The following CNTN5 variants were observed in gnomAD, a reference collection of about 807,000 sequenced individuals.
CNTN5 encodes the protein contactin-5.
Under a neutral mutation model 129.1 loss-of-function variants are expected in CNTN5, and 77 were observed. That is an observed-to-expected ratio of 0.60 (90% CI 0.50 to 0.72). CNTN5 has a LOEUF of 0.72. CNTN5 is among the 30% of genes least tolerant of loss of function. The probability of loss-of-function intolerance (pLI) is 0.00; values close to 1 mark genes in which losing one functional copy is unlikely to be tolerated. For synonymous variants in CNTN5, 509 were observed against 465.6 expected (o/e 1.09, Z -1.20); for missense variants, 1,478 against 1,328.8 (o/e 1.11, Z -1.75).
chr11:99,247,796 A>C (rs1179404474), intron 1 of CNTN5, among the ~76,000 whole-genome samples: 1 of 151,976 alleles, frequency 6.6e-6, no homozygotes, highest in Non-Finnish European at 1.5e-5. Context: ...TGAACTCATC[A>C]TTTTTTATGG....
chr11:99,592,690 G>T (rs1325652395), intron 3 of CNTN5, among the ~76,000 whole-genome samples: 2 of 152,090 alleles, frequency 1.3e-5, no homozygotes, highest in African/African-American at 2.4e-5. Context: ...AGTAACTAAG[G>T]GGAATGTAAA....
At chr11:99,793,545 A>G (rs1945829633) in intron 3 of CNTN5, among the ~76,000 whole-genome samples, 1 of 152,094 alleles carries the variant, frequency 6.6e-6, no homozygotes, top group Non-Finnish European at 1.5e-5. Context: ...TAAATTTTTC[A>G]GGGATGTGTT....
chr11:100,042,072 C>T (rs756969942), intron 9 of CNTN5, among the ~76,000 whole-genome samples: 21 of 152,106 alleles, frequency 1.4e-4, no homozygotes, highest in Non-Finnish European at 2.1e-4. Flanking sequence ...GGGAGAGATT[C>T]ATATACTCTC....
intron 7 of CNTN5, among the ~76,000 whole-genome samples, chr11:99,926,339 T>C (rs1383519782): frequency 6.6e-6 from 1 of 152,198 alleles, no homozygotes; most frequent in East Asian, 1.9e-4. Flanking sequence ...AAAGGAAAAA[T>C]GAATCCTGAC....
At chr11:99,374,461 A>T (rs111343479) in intron 2 of CNTN5, among the ~76,000 whole-genome samples, 4,791 of 152,200 alleles carry the variant, frequency 0.031, 252 homozygotes, top group African/African-American at 0.11. Context: ...AGGCCGGCGG[A>T]TCACGAGGTC....
intron 10 of CNTN5, among the ~76,000 whole-genome samples, chr11:100,066,769 G>A (rs1286732114): frequency 2.7e-5 from 4 of 148,648 alleles, no homozygotes; most frequent in Non-Finnish European, 5.9e-5. Context: ...CTTGGCATCT[G>A]CTCACCCCAT....
intron 8 of CNTN5, among the ~76,000 whole-genome samples, chr11:99,976,738 C>A (rs958663770): frequency 6.6e-6 from 1 of 152,244 alleles, no homozygotes; most frequent in Non-Finnish European, 1.5e-5. Context: ...GCCTGTGAAA[C>A]TATTTTTCCT....
chr11:100,347,570 G>T (rs1420137713), intron 23 of CNTN5, among the ~76,000 whole-genome samples: 1 of 152,008 alleles, frequency 6.6e-6, no homozygotes, highest in Non-Finnish European at 1.5e-5. Context: ...GAAATGCTGG[G>T]GAGATAGAGT....
chr11:99,533,355 C>G (rs535954753), intron 2 of CNTN5, among the ~76,000 whole-genome samples: 2 of 152,336 alleles, frequency 1.3e-5, no homozygotes, highest in East Asian at 3.9e-4. Flanking sequence ...GCAGCTAAAA[C>G]AGTAACATCA....
At chr11:100,205,133 C>G (rs1011783383) in intron 15 of CNTN5, among the ~76,000 whole-genome samples, 3 of 151,872 alleles carry the variant, frequency 2.0e-5, no homozygotes, top group African/African-American at 7.2e-5. Flanking sequence ...AGATTGACTC[C>G]TATGTTATTT....
intron 13 of CNTN5, among the ~76,000 whole-genome samples, chr11:100,174,429 C>A (rs757564429): frequency 5.3e-5 from 8 of 151,944 alleles, no homozygotes; most frequent in Non-Finnish European, 7.4e-5. Context: ...TCACAGAGTC[C>A]CTTGAGAATC....
At chr11:99,672,380 A>G (rs1229319575) in intron 3 of CNTN5, among the ~76,000 whole-genome samples, 9 of 151,896 alleles carry the variant, frequency 5.9e-5, no homozygotes, top group Admixed American at 5.9e-4. Context: ...ATGTGGGCTC[A>G]CTGTAGATAG....
At chr11:100,042,749 C>T (rs1041182290) in intron 9 of CNTN5, among the ~76,000 whole-genome samples, 1 of 152,148 alleles carries the variant, frequency 6.6e-6, no homozygotes, top group African/African-American at 2.4e-5. Context: ...TAACAAAAAG[C>T]TTGTGTCAGA....
chr11:99,121,965 T>C (rs1257367240), intron 1 of CNTN5, among the ~76,000 whole-genome samples: 1 of 151,154 alleles, frequency 6.6e-6, no homozygotes, highest in Non-Finnish European at 1.5e-5. Context: ...TTTAAAATGG[T>C]GAACAATTCT....
chr11:99,871,977 A>C (rs2135815084), intron 6 of CNTN5, among the ~76,000 whole-genome samples: 1 of 151,842 alleles, frequency 6.6e-6, no homozygotes, highest in Admixed American at 6.6e-5. Flanking sequence ...AAATTTATTA[A>C]AGAAAAACAT....
At chr11:99,629,735 G>C (rs144943056) in intron 3 of CNTN5, among the ~76,000 whole-genome samples, 276 of 151,754 alleles carry the variant, frequency 1.8e-3, no homozygotes, top group African/African-American at 6.1e-3. Context: ...CCTATTGCTA[G>C]GTTCCGTAAA....
intron 13 of CNTN5, among the ~76,000 whole-genome samples, chr11:100,100,908 A>G (rs757409632): frequency 1.3e-5 from 2 of 152,124 alleles, no homozygotes; most frequent in Non-Finnish European, 2.9e-5. Context: ...AGTCTAAACT[A>G]TGAGTAGGAT....
intron 21 of CNTN5, among the ~76,000 whole-genome samples, chr11:100,327,363 C>T (rs1951810310): frequency 6.6e-6 from 1 of 152,190 alleles, no homozygotes; most frequent in Non-Finnish European, 1.5e-5. Flanking sequence ...CTTTCTTCAG[C>T]CCCACATCCC....
intron 7 of CNTN5, among the ~76,000 whole-genome samples, chr11:99,934,933 TATATATATATATATACAC>T (rs1226372753): frequency 8.7e-5 from 6 of 69,048 alleles, no homozygotes; most frequent in African/African-American, 3.4e-4. Context: ...TATATATATA[TATATATATATATATACAC>T]ACACATATAT....
Sources: gnomAD v4.1 joint callset for allele counts (sites outside exome capture counted in the v4.1 genomes callset) on GRCh38, gnomAD v4.1.1 for gene constraint, MANE v1.5 for transcripts, NCBI Gene and HGNC (gene_info 2026-07-23, HGNC 2026-07-21) for gene names.